CSMD3: variants seen among roughly 807,000 people sequenced by gnomAD.
CSMD3 encodes CUB and Sushi multiple domains 3, also known as CUB and sushi domain-containing protein 3.
In CSMD3, 177 loss-of-function variants were observed where a neutral mutation model predicts 435.2. The ratio of observed to expected loss-of-function variants is 0.41; its 90% confidence interval spans 0.36 to 0.46. The LOEUF is 0.46. CSMD3 is among the 20% of genes least tolerant of loss of function. CSMD3 has a pLI of 0.34. For synonymous variants in CSMD3, 1,656 were observed against 1,520.5 expected (o/e 1.09, Z -2.07); for missense variants, 4,265 against 4,504.6 (o/e 0.95, Z 1.52).
chr8:112,415,505 G>A (rs1811813948), intron 32 of CSMD3, among the ~76,000 whole-genome samples: 2 of 152,192 alleles, frequency 1.3e-5, no homozygotes, highest in Admixed American at 6.5e-5. Context: ...ACTGTGGAAG[G>A]GAAATACGGG....
chr8:112,695,383 T>G (rs1201559148), intron 13 of CSMD3, among the ~76,000 whole-genome samples: 2 of 152,168 alleles, frequency 1.3e-5, no homozygotes, highest in Non-Finnish European at 1.5e-5. Flanking sequence ...CCAAACAATA[T>G]GTTTTAGAGA....
At chr8:112,851,400 A>G (rs756140796) in intron 11 of CSMD3, among the ~76,000 whole-genome samples, 1 of 152,130 alleles carries the variant, frequency 6.6e-6, no homozygotes. Context: ...CCCCCTGATA[A>G]TCTACCTGAG....
intron 10 of CSMD3, among the ~76,000 whole-genome samples, chr8:112,900,294 G>C (rs191105824): frequency 3.6e-4 from 54 of 151,366 alleles, no homozygotes; most frequent in Middle Eastern, 3.4e-3. Flanking sequence ...AGTTTTTCAA[G>C]AATGTTTGTA....
intron 3 of CSMD3, among the ~76,000 whole-genome samples, chr8:113,265,814 AC>A (rs142511661): frequency 0.02 from 3,026 of 151,594 alleles, 100 homozygotes; most frequent in African/African-American, 0.07. Context: ...TGTTTCCATG[AC>A]TAACTAGGTT....
At chr8:113,148,119 T>G (rs1205834282) in intron 4 of CSMD3, among the ~76,000 whole-genome samples, 1 of 151,778 alleles carries the variant, frequency 6.6e-6, no homozygotes, top group African/African-American at 2.4e-5. Flanking sequence ...CTGATGCATA[T>G]TCTCATTTCT....
chr8:112,897,058 C>A (rs1027775376), intron 10 of CSMD3, among the ~76,000 whole-genome samples: 2 of 151,426 alleles, frequency 1.3e-5, no homozygotes, highest in Non-Finnish European at 3.0e-5. Flanking sequence ...TCTTTGCATA[C>A]CTTTTAGTCA....
chr8:112,427,615 A>C (rs1417872901), intron 32 of CSMD3, among the ~76,000 whole-genome samples: 1 of 152,156 alleles, frequency 6.6e-6, no homozygotes, highest in African/African-American at 2.4e-5. Context: ...CATGAGAACA[A>C]ACTAATACAT....
chr8:112,305,703 G>A (rs1239267143), intron 51 of CSMD3, among the ~76,000 whole-genome samples: 1 of 151,990 alleles, frequency 6.6e-6, no homozygotes, highest in Non-Finnish European at 1.5e-5. Context: ...ATTTTCTCAA[G>A]GGGCCATGTA....
At chr8:113,259,404 T>C (rs992717069) in intron 3 of CSMD3, among the ~76,000 whole-genome samples, 23 of 152,176 alleles carry the variant, frequency 1.5e-4, no homozygotes, top group African/African-American at 5.5e-4. Flanking sequence ...CCATACAAGA[T>C]CACCAGAATA....
chr8:112,542,602 T>C (rs989610979), intron 27 of CSMD3, among the ~76,000 whole-genome samples: 8 of 151,958 alleles, frequency 5.3e-5, no homozygotes, highest in African/African-American at 1.7e-4. Context: ...ATAATTTAAC[T>C]AAGGAGGTGA....
intron 5 of CSMD3, among the ~76,000 whole-genome samples, chr8:113,022,518 A>G (rs187454152): frequency 6.6e-6 from 1 of 151,854 alleles, no homozygotes; most frequent in Non-Finnish European, 1.5e-5. Flanking sequence ...GGCAAATGAC[A>G]TATAACAACA....
At chr8:112,891,158 C>T (rs2081776209) in intron 10 of CSMD3, among the ~76,000 whole-genome samples, 1 of 151,578 alleles carries the variant, frequency 6.6e-6, no homozygotes, top group Non-Finnish European at 1.5e-5. Flanking sequence ...ATAGCTTTTC[C>T]TTTAGTCTCA....
chr8:113,157,365 T>C (rs947433029), intron 4 of CSMD3, among the ~76,000 whole-genome samples: 3 of 152,126 alleles, frequency 2.0e-5, no homozygotes, highest in African/African-American at 4.8e-5. Context: ...CTCATGTCTT[T>C]TGCCAGCTTC....
intron 38 of CSMD3, among the ~76,000 whole-genome samples, chr8:112,372,965 GAA>G (rs900699618): frequency 8.6e-6 from 1 of 116,598 alleles, no homozygotes; most frequent in East Asian, 2.5e-4. Flanking sequence ...TCTGCCAGCA[GAA>G]AAAATATATA....
At chr8:113,036,346 T>A (rs2087351029) in intron 5 of CSMD3, among the ~76,000 whole-genome samples, 1 of 152,044 alleles carries the variant, frequency 6.6e-6, no homozygotes, top group African/African-American at 2.4e-5. Context: ...TACTTATGAA[T>A]TTAAAATTGG....
chr8:112,959,102 T>C (rs2084137077), intron 7 of CSMD3, among the ~76,000 whole-genome samples: 1 of 152,108 alleles, frequency 6.6e-6, no homozygotes, highest in Non-Finnish European at 1.5e-5. Flanking sequence ...TTCTATTTCA[T>C]TGCTATGCAT....
intron 1 of CSMD3, among the ~76,000 whole-genome samples, chr8:113,412,116 T>C (rs2094562419): frequency 6.6e-6 from 1 of 152,136 alleles, no homozygotes; most frequent in Non-Finnish European, 1.5e-5. Context: ...TTTGATGTTA[T>C]TACAGCTTTA....
chr8:113,362,086 A>C (rs1451014870), intron 1 of CSMD3, among the ~76,000 whole-genome samples: 1 of 152,190 alleles, frequency 6.6e-6, no homozygotes, highest in African/African-American at 2.4e-5. Context: ...TTTGTAGCTA[A>C]AGTTGATAAG....
intron 7 of CSMD3, among the ~76,000 whole-genome samples, chr8:112,961,065 T>C (rs970964154): frequency 4.6e-5 from 7 of 151,760 alleles, no homozygotes; most frequent in African/African-American, 1.7e-4. Context: ...ATTTTACTAT[T>C]GTGCTTAAAT....
Sources: gnomAD v4.1 joint callset for allele counts (sites outside exome capture counted in the v4.1 genomes callset) on GRCh38, gnomAD v4.1.1 for gene constraint, MANE v1.5 for transcripts, NCBI Gene and HGNC (gene_info 2026-07-23, HGNC 2026-07-21) for gene names.